The following VPS33A variants were observed in gnomAD, a reference collection of about 807,000 sequenced individuals.
The protein encoded by VPS33A is vacuolar protein sorting-associated protein 33A.
VPS33A carries 32 observed loss-of-function variants against 71.8 expected under a neutral mutation model. That is an observed-to-expected ratio of 0.45 (90% CI 0.34 to 0.60). VPS33A has a LOEUF of 0.60. Ranked by LOEUF, VPS33A falls within the 20% of genes least tolerant of loss-of-function variation. The pLI, the probability that VPS33A is intolerant of heterozygous loss-of-function variation, is 0.02. For synonymous variants in VPS33A, 311 were observed against 292.7 expected (o/e 1.06, Z -0.64); for missense variants, 625 against 748.5 (o/e 0.84, Z 1.92).
chr12:122,263,808 T>C (rs1955031498), intron 2 of VPS33A, 109 bp from the exon 3 acceptor site: 1 of 1,317,068 alleles, frequency 7.6e-7, no homozygotes, highest in African/African-American at 1.5e-5. Context: ...AATATTTTAA[T>C]ATCAAAATTT....
chr12:122,250,874 C>G (rs1433089389), intron 5 of VPS33A, 109 bp downstream of exon 5: 2 of 793,454 alleles, frequency 2.5e-6, no homozygotes, highest in African/African-American at 3.4e-5. Flanking sequence ...GTACAGTATT[C>G]ATAAATAATT....
intron 8 of VPS33A, among the ~76,000 whole-genome samples, chr12:122,240,669 A>ATC (rs1414000812): frequency 2.6e-5 from 4 of 152,232 alleles, no homozygotes; most frequent in Non-Finnish European, 5.9e-5. Flanking sequence ...TACTTCATAA[A>ATC]ACAATCTCCT....
chr12:122,255,964 T>C (rs911373185), intron 4 of VPS33A, among the ~76,000 whole-genome samples: 7 of 151,490 alleles, frequency 4.6e-5, no homozygotes, highest in Non-Finnish European at 1.0e-4. Context: ...TCACCACGTG[T>C]GGCTAGTTTT....
intron 6 of VPS33A, among the ~76,000 whole-genome samples, chr12:122,245,223 T>C (rs1407537209): frequency 6.6e-6 from 1 of 151,628 alleles, no homozygotes; most frequent in African/African-American, 2.4e-5. Context: ...CAAAAGCTTA[T>C]CACACGCTGT....
At chr12:122,238,502 G>C in intron 10 of VPS33A, 85 bp downstream of exon 10, 1 of 1,484,738 alleles carries the variant, frequency 6.7e-7, no homozygotes, top group South Asian at 1.3e-5. Flanking sequence ...GATTACAGGC[G>C]TAAGCCACTG....
At chr12:122,266,257 A>T (rs779050337) in intron 1 of VPS33A, 50 bp downstream of exon 1, 2 of 1,597,502 alleles carry the variant, frequency 1.3e-6, no homozygotes, top group South Asian at 1.1e-5. Flanking sequence ...GGATTAAACC[A>T]GGCCGGACCA....
At chr12:122,233,956 A>G (rs1954597752) in intron 11 of VPS33A, among the ~76,000 whole-genome samples, 1 of 152,202 alleles carries the variant, frequency 6.6e-6, no homozygotes, top group Admixed American at 6.5e-5. Flanking sequence ...GGAAAAAATC[A>G]TTTAATTTTG....
intron 4 of VPS33A, among the ~76,000 whole-genome samples, chr12:122,255,257 T>G (rs1428367910): frequency 6.6e-6 from 1 of 152,148 alleles, no homozygotes; most frequent in African/African-American, 2.4e-5. Context: ...TATAGAAAAC[T>G]GTTAATCCAG....
Position 122,231,866 on chromosome 12 carries a change from G to C in VPS33A, c.*380C>G, listed in dbSNP as rs2136119117. On this transcript the variant is annotated 3_prime_UTR_variant, in exon 13 of 13. Transcript: ENST00000267199. The stretch of plus-strand genomic sequence containing the variant: ...GAGGTCAGGAGTTTGAGACCAGCCT[G>C]GCCAACATGGTGAAACACCATGGCT... The C allele has an allele frequency of 2.9e-6, 1 of 345,138 alleles. No homozygotes were observed. Among genetic ancestry groups the C allele is most frequent in the Non-Finnish European group, 5.2e-6 (1 of 192,986 alleles). 21.4% of individuals were successfully genotyped at this position (345,138 alleles called of 1,614,324 possible).
At chr12:122,241,718 G>A (rs540346306) in intron 8 of VPS33A, among the ~76,000 whole-genome samples, 1 of 150,648 alleles carries the variant, frequency 6.6e-6, no homozygotes, top group African/African-American at 2.4e-5. Flanking sequence ...TCAACCTCCT[G>A]AGTAGCTGTA....
At chr12:122,265,195 A>G (rs908644335) in intron 1 of VPS33A, among the ~76,000 whole-genome samples, 1 of 151,984 alleles carries the variant, frequency 6.6e-6, no homozygotes, top group African/African-American at 2.4e-5. Flanking sequence ...CTGGGATTAC[A>G]CCGCACTTCC....
chr12:122,243,647 T>C (rs1408240618), intron 7 of VPS33A, among the ~76,000 whole-genome samples: 1 of 152,136 alleles, frequency 6.6e-6, no homozygotes, highest in Non-Finnish European at 1.5e-5. Flanking sequence ...TTCAGAAATA[T>C]GAAAATCAAT....
intron 9 of VPS33A, among the ~76,000 whole-genome samples, chr12:122,239,404 A>G (rs1374759847): frequency 6.6e-6 from 1 of 151,974 alleles, no homozygotes; most frequent in Admixed American, 6.6e-5. Context: ...CTGTTACTTG[A>G]TAAAATCTAC....
chr12:122,238,093 C>A (rs1256912432), intron 10 of VPS33A, among the ~76,000 whole-genome samples: 1 of 151,804 alleles, frequency 6.6e-6, no homozygotes, highest in Non-Finnish European at 1.5e-5. Context: ...CTATTATTAT[C>A]ACACAAATAC....
At position 122,244,657 on chromosome 12, in the gene VPS33A, T is replaced by G. The variant is rs1345623007; in HGVS notation, c.881A>C (p.Glu294Ala). 1 of 1,614,180 alleles carries G rather than the reference T, an allele frequency of 6.2e-7. No individual in the cohort carries two copies. Among genetic ancestry groups the G allele is most frequent in the East Asian group, 2.2e-5 (1 of 44,886 alleles). ...AKKLQLNSAE[E>A]LYAEIRDKNF... ...CTTATCTCGGATCTCAGCATAGAGC[T>G]CCTCTGCAGAATTCAGCTGCAGCTT... Residue 294 changes from glutamate to alanine, a missense_variant, in exon 7 of 13, where the codon GAG becomes GCG. By Grantham distance (107) the Glu-to-Ala change is moderately radical. Coordinates refer to ENST00000267199, the MANE Select transcript of VPS33A (RefSeq NM_022916.6).
At chr12:122,256,920 G>C (rs998377069) in intron 4 of VPS33A, among the ~76,000 whole-genome samples, 1 of 152,102 alleles carries the variant, frequency 6.6e-6, no homozygotes, top group African/African-American at 2.4e-5. Flanking sequence ...GAATAAACAA[G>C]TATTGCCATA....
chr12:122,260,322 T>TA (rs1408257187), intron 4 of VPS33A, among the ~76,000 whole-genome samples: 1 of 151,766 alleles, frequency 6.6e-6, no homozygotes, highest in Non-Finnish European at 1.5e-5. Flanking sequence ...TTTTTTGAGA[T>TA]AGAGTCTCCC....
intron 4 of VPS33A, 82 bp from the exon 5 acceptor site, chr12:122,251,181 G>A (rs750407808): frequency 3.1e-5 from 28 of 889,042 alleles, no homozygotes; most frequent in East Asian, 7.4e-5. Flanking sequence ...GGGGTGCAGC[G>A]ACAGACAATA....
At chr12:122,255,656 G>C (rs1954906784) in intron 4 of VPS33A, among the ~76,000 whole-genome samples, 1 of 128,318 alleles carries the variant, frequency 7.8e-6, no homozygotes, top group African/African-American at 2.9e-5. Context: ...AGTGAGCCGA[G>C]ATTGCGCCAC....
Sources: allele counts gnomAD v4.1 joint callset (sites outside exome capture counted in the v4.1 genomes callset), GRCh38; gene constraint gnomAD v4.1.1; transcripts MANE v1.5; gene names NCBI Gene and HGNC (gene_info 2026-07-23, HGNC 2026-07-21).